The following CCDC192 variants were observed in gnomAD, a reference collection of about 807,000 sequenced individuals.
CCDC192 encodes the protein coiled-coil domain containing 192.
chr5:127,857,040 G>A (rs930689692), intron 5 of CCDC192, among the ~76,000 whole-genome samples: 1 of 152,146 alleles, frequency 6.6e-6, no homozygotes, highest in African/African-American at 2.4e-5. Flanking sequence ...TGTGAAAAAT[G>A]TGTTGTCTGA....
chr5:127,908,116 C>T (rs1753250089), intron 6 of CCDC192, among the ~76,000 whole-genome samples: 1 of 152,198 alleles, frequency 6.6e-6, no homozygotes. Flanking sequence ...CCCATCTCAT[C>T]TAATGTCTCG....
chr5:127,814,219 G>T (rs1293829879), intron 5 of CCDC192, among the ~76,000 whole-genome samples: 4 of 152,206 alleles, frequency 2.6e-5, no homozygotes, highest in Non-Finnish European at 4.4e-5. Flanking sequence ...AGTGAGACTA[G>T]AAGTTCAGTA....
In CCDC192 at chr5:127,738,570, A is replaced by G. The variant is rs548656131; in HGVS notation, c.115-15698A>G. Among the ~76,000 whole-genome samples, 30 of 145,426 alleles carry G rather than the reference A, an allele frequency of 2.1e-4. 2 individuals are homozygous for G. In the East Asian group the frequency reaches 4.1e-3, roughly 20 times the overall value. On this transcript the variant is annotated intron_variant, in intron 2 of 6. Coordinates refer to ENST00000514853, the MANE Select transcript of CCDC192 (RefSeq NM_001317938.2). ...CTCCCCATCACTTTCAGGTACACCA[A>G]TCAGACGTAGATTTGGTCTTTTCAC... is the stretch of plus-strand genomic sequence containing the variant.
intron 2 of CCDC192, among the ~76,000 whole-genome samples, chr5:127,737,961 G>T (rs1157806172): frequency 6.6e-6 from 1 of 151,052 alleles, no homozygotes; most frequent in South Asian, 2.1e-4. Context: ...GTGTGAATTT[G>T]ATCCTGTCAT....
At chr5:127,786,221 C>T (rs1685940526) in intron 3 of CCDC192, 5 of 747,502 alleles carry the variant, frequency 6.7e-6, no homozygotes, top group South Asian at 2.9e-5. Flanking sequence ...TGAAGGTAAA[C>T]CTGAACTCTT....
chr5:127,887,931 T>C (rs1041824846), intron 6 of CCDC192, among the ~76,000 whole-genome samples: 2 of 151,800 alleles, frequency 1.3e-5, no homozygotes, highest in Non-Finnish European at 2.9e-5. Context: ...TCTTGATCTC[T>C]TGACCTCGTG....
At chr5:127,830,761 G>T (rs1246711367) in intron 5 of CCDC192, among the ~76,000 whole-genome samples, 1 of 141,206 alleles carries the variant, frequency 7.1e-6, no homozygotes. Flanking sequence ...AAAGGTTTTT[G>T]AGAAAAAAAA....
chr5:127,898,657 C>A (rs1752960343), intron 6 of CCDC192, among the ~76,000 whole-genome samples: 1 of 152,020 alleles, frequency 6.6e-6, no homozygotes, highest in African/African-American at 2.4e-5. Flanking sequence ...TTTTTTGACT[C>A]CATGAAATGC....
intron 2 of CCDC192, among the ~76,000 whole-genome samples, chr5:127,719,948 C>T (rs935343345): frequency 3.9e-5 from 6 of 152,076 alleles, no homozygotes; most frequent in Non-Finnish European, 7.4e-5. Context: ...CCACCAGACT[C>T]TTCCTCCAAC....
intron 3 of CCDC192, among the ~76,000 whole-genome samples, chr5:127,793,461 A>G (rs1756995910): frequency 6.6e-6 from 1 of 152,186 alleles, no homozygotes; most frequent in African/African-American, 2.4e-5. Flanking sequence ...TCCACATGGT[A>G]AGAAAAAAAC....
At chr5:127,730,501 A>G (rs1088164) in intron 2 of CCDC192, among the ~76,000 whole-genome samples, 48,074 of 151,742 alleles carry the variant, frequency 0.32, 8,377 homozygotes, top group Middle Eastern at 0.41. Context: ...AAAAGGAGAG[A>G]CTCCTCCCTA....
At chr5:127,843,819 G>A (rs1750409428) in intron 5 of CCDC192, among the ~76,000 whole-genome samples, 1 of 152,140 alleles carries the variant, frequency 6.6e-6, no homozygotes, top group Non-Finnish European at 1.5e-5. Flanking sequence ...TCATGTAGGC[G>A]ATTTCTTTCT....
At chr5:127,796,786 G>A (rs1056567820) in intron 3 of CCDC192, among the ~76,000 whole-genome samples, 15 of 152,088 alleles carry the variant, frequency 9.9e-5, no homozygotes, top group Non-Finnish European at 2.1e-4. Flanking sequence ...CAAATAAAGT[G>A]CAATCTTGAA....
At chr5:127,769,120 T>C (rs934746743) in intron 3 of CCDC192, among the ~76,000 whole-genome samples, 2 of 152,172 alleles carry the variant, frequency 1.3e-5, no homozygotes, top group African/African-American at 4.8e-5. Flanking sequence ...GTGTGGGTTG[T>C]GGAGGAGAAA....
chr5:127,833,517 A>G (rs1429972368), intron 5 of CCDC192, among the ~76,000 whole-genome samples: 1 of 152,130 alleles, frequency 6.6e-6, no homozygotes, highest in African/African-American at 2.4e-5. Context: ...ACTACATGCC[A>G]TCATACATAT....
At chr5:127,789,992 A>G (rs1756772500) in intron 3 of CCDC192, among the ~76,000 whole-genome samples, 1 of 152,212 alleles carries the variant, frequency 6.6e-6, no homozygotes, top group Admixed American at 6.5e-5. Context: ...AGAGATCACC[A>G]TTCTGCAGAG....
chr5:127,896,191 C>T (rs374777799), intron 6 of CCDC192, among the ~76,000 whole-genome samples: 2 of 152,098 alleles, frequency 1.3e-5, no homozygotes, highest in Non-Finnish European at 2.9e-5. Context: ...GCAATTCCAA[C>T]ACTTTGAGAG....
chr5:127,914,845 G>A (rs2127181221), intron 6 of CCDC192, among the ~76,000 whole-genome samples: 1 of 152,184 alleles, frequency 6.6e-6, no homozygotes, highest in African/African-American at 2.4e-5. Context: ...ATAAACTGAG[G>A]CACAGAAAGT....
At chr5:127,876,625 T>C (rs544294237) in intron 6 of CCDC192, among the ~76,000 whole-genome samples, 2 of 152,300 alleles carry the variant, frequency 1.3e-5, no homozygotes, top group South Asian at 4.2e-4. Context: ...TGTCTTCCTT[T>C]GATGTGTGCC....
Sources: allele counts gnomAD v4.1 joint callset (sites outside exome capture counted in the v4.1 genomes callset), GRCh38; gene constraint gnomAD v4.1.1; transcripts MANE v1.5; gene names NCBI Gene and HGNC (gene_info 2026-07-23, HGNC 2026-07-21).